The following UGT1A8 variants were observed in gnomAD, a reference collection of about 807,000 sequenced individuals.
The protein encoded by UGT1A8 is UDP-glucuronosyltransferase 1A8.
A neutral mutation model predicts 45.3 loss-of-function variants in UGT1A8; 39 were observed. The observed-to-expected ratio is 0.86, with a 90% CI of 0.67 to 1.12. UGT1A8 has a LOEUF of 1.12. UGT1A8 is among the 50% of genes most tolerant of loss of function. UGT1A8 has a pLI of 0.00. For synonymous variants in UGT1A8, 275 were observed against 249.2 expected, an observed-to-expected ratio of 1.10 and a Z score of -0.97; for missense variants, 719 against 664.9, an observed-to-expected ratio of 1.08 and a Z score of -0.90.
intron 1 of UGT1A8, chr2:233,692,923 A>G: frequency 6.4e-7 from 1 of 1,573,424 alleles, no homozygotes; most frequent in Non-Finnish European, 8.6e-7. Flanking sequence ...AGCAGTGGTT[A>G]GTTTAGGGAA....
intron 1 of UGT1A8, chr2:233,747,471 G>A (rs1218539477): frequency 1.9e-5 from 31 of 1,608,712 alleles, no homozygotes; most frequent in Non-Finnish European, 2.4e-5. Context: ...ATGGACCCAG[G>A]ATGAATTTGA....
At chr2:233,721,293 A>G (rs2076934604) in intron 1 of UGT1A8, among the ~76,000 whole-genome samples, 2 of 152,196 alleles carry the variant, frequency 1.3e-5, no homozygotes, top group African/African-American at 4.8e-5. Flanking sequence ...TTAGGAAGGC[A>G]TTTGAATAGT....
At chr2:233,737,627 C>T (rs979960494) in intron 1 of UGT1A8, among the ~76,000 whole-genome samples, 1 of 152,190 alleles carries the variant, frequency 6.6e-6, no homozygotes, top group African/African-American at 2.4e-5. Flanking sequence ...AGAAATCATC[C>T]ATCTTCTGCG....
intron 1 of UGT1A8, among the ~76,000 whole-genome samples, chr2:233,618,923 TA>T (rs1225958932): frequency 2.6e-5 from 4 of 152,030 alleles, no homozygotes; most frequent in South Asian, 2.1e-4. Flanking sequence ...TTCTTTTCAT[TA>T]AAAAAAGTAT....
intron 1 of UGT1A8, chr2:233,671,809 T>C: frequency 8.0e-7 from 1 of 1,248,340 alleles, no homozygotes; most frequent in South Asian, 1.9e-5. Context: ...AGTGACTGAT[T>C]TTTTTTTTAT....
intron 1 of UGT1A8, among the ~76,000 whole-genome samples, chr2:233,626,904 G>A (rs1268829193): frequency 6.6e-6 from 1 of 152,050 alleles, no homozygotes; most frequent in African/African-American, 2.4e-5. Context: ...TGCATTTTCT[G>A]CCTTCAGGGA....
intron 1 of UGT1A8, among the ~76,000 whole-genome samples, chr2:233,670,467 G>T (rs2074160536): frequency 6.6e-6 from 1 of 152,190 alleles, no homozygotes. Context: ...TTCATGGAAG[G>T]GTTTGTGTTG....
chr2:233,661,471 T>C lies in UGT1A8; in HGVS notation c.855+42909T>C, dbSNP rs2073961978. On this transcript the variant is annotated intron_variant, in intron 1 of 4. Coordinates refer to ENST00000373450, the MANE Select transcript of UGT1A8 (RefSeq NM_019076.5). Reference sequence around the variant, plus strand: ...ACAGATGGAATCCTAGTTCTTTTTATCCATTAACTCTTTGAATATCCTTCT... The same window carrying C: ...ACAGATGGAATCCTAGTTCTTTTTACCCATTAACTCTTTGAATATCCTTCT... Among the ~76,000 whole-genome samples, 4 of 152,284 alleles carry C rather than the reference T, an allele frequency of 2.6e-5. No homozygotes were observed. In the South Asian group the frequency reaches 8.3e-4, roughly 32 times the overall value.
At chr2:233,647,255 G>A (rs2073629601) in intron 1 of UGT1A8, among the ~76,000 whole-genome samples, 1 of 152,102 alleles carries the variant, frequency 6.6e-6, no homozygotes. Flanking sequence ...CTTTGGGTGG[G>A]GACACAGCCA....
Position 233,693,787 on chromosome 2 carries a change from T to G in UGT1A8, c.856-73247T>G, listed in dbSNP as rs202244084. The G allele has an allele frequency of 5.0e-6, 8 of 1,614,234 alleles. No individual in the cohort carries two copies. In the East Asian group the frequency reaches 1.8e-4, roughly 36 times the overall value. ...GGCTGTTAAGATATGACTTTGTGCT[T>G]GAATATCCTAGGCCGGTCATGCCCA... On this transcript the variant is annotated intron_variant, in intron 1 of 4. Coordinates refer to ENST00000373450, the MANE Select transcript of UGT1A8 (RefSeq NM_019076.5).
intron 1 of UGT1A8, among the ~76,000 whole-genome samples, chr2:233,690,308 C>T (rs1218520610): frequency 6.6e-6 from 1 of 152,180 alleles, no homozygotes; most frequent in Non-Finnish European, 1.5e-5. Context: ...GGCTCCATTA[C>T]TTATGGGTCG....
chr2:233,659,549 C>T (rs972759974), intron 1 of UGT1A8, among the ~76,000 whole-genome samples: 10 of 152,038 alleles, frequency 6.6e-5, no homozygotes, highest in Non-Finnish European at 1.5e-4. Context: ...TGATTGTCCT[C>T]CACTGAGTAG....
chr2:233,744,024 G>A lies in UGT1A8; in HGVS notation c.856-23010G>A, dbSNP rs532921168. The A allele has an allele frequency of 1.8e-4, 170 of 951,358 alleles. 2 individuals carry two copies. The highest frequency in any genetic ancestry group is 2.3e-4 in the Non-Finnish European group (161 of 710,466). 58.9% of individuals were successfully genotyped at this position (951,358 alleles called of 1,614,324 possible). Reference sequence around the variant, plus strand: ...GGAGACCTGGGCCGCCTGGAGAGACGCCCCTTATGACGCAGCCACATCTCA... The same window carrying A: ...GGAGACCTGGGCCGCCTGGAGAGACACCCCTTATGACGCAGCCACATCTCA... On this transcript the variant is annotated intron_variant, in intron 1 of 4. Coordinates refer to ENST00000373450, the MANE Select transcript of UGT1A8 (RefSeq NM_019076.5).
chr2:233,724,170 C>G (rs1159618034), intron 1 of UGT1A8, among the ~76,000 whole-genome samples: 4 of 122,852 alleles, frequency 3.3e-5, no homozygotes, highest in Admixed American at 7.6e-5. Flanking sequence ...GCTGACCCCC[C>G]CATCTCCCTC....
At chr2:233,711,506 A>G (rs1260347512) in intron 1 of UGT1A8, among the ~76,000 whole-genome samples, 3 of 152,160 alleles carry the variant, frequency 2.0e-5, no homozygotes, top group African/African-American at 4.8e-5. Flanking sequence ...ATCCCTTTCT[A>G]GCGCTCTGTG....
chr2:233,744,000 G>T, intron 1 of UGT1A8: 1 of 1,221,194 alleles, frequency 8.2e-7, no homozygotes, highest in South Asian at 1.4e-5. Flanking sequence ...CGAGTGCTCG[G>T]AGACCTGGGC....
At chr2:233,729,423 G>A in intron 1 of UGT1A8, 2 of 1,613,822 alleles carry the variant, frequency 1.2e-6, no homozygotes, top group East Asian at 4.5e-5. Flanking sequence ...ACACTCAACT[G>A]TACTTTGAAA....
chr2:233,653,750 C>A (rs1388530007), intron 1 of UGT1A8, among the ~76,000 whole-genome samples: 2 of 152,210 alleles, frequency 1.3e-5, no homozygotes, highest in African/African-American at 4.8e-5. Flanking sequence ...ATGCCCACCA[C>A]CACAGTCAGC....
Position 233,731,393 on chromosome 2 carries a change from G to A in UGT1A8, c.856-35641G>A, listed in dbSNP as rs558248956. Among the ~76,000 whole-genome samples the A allele has an allele frequency of 1.5e-3, 233 of 151,488 alleles. 2 individuals are homozygous for A. Among genetic ancestry groups the A allele is most frequent in the African/African-American group, 5.3e-3 (218 of 41,268 alleles). On this transcript the variant is annotated intron_variant, in intron 1 of 4. Coordinates refer to ENST00000373450, the MANE Select transcript of UGT1A8 (RefSeq NM_019076.5). ...GTTGGTTTCCTGCACCCACCAACTC[G>A]TCATTTACATTAGGTATTTTTCCTA...
Sources: gnomAD v4.1 joint callset for allele counts (sites outside exome capture counted in the v4.1 genomes callset) on GRCh38, gnomAD v4.1.1 for gene constraint, MANE v1.5 for transcripts, NCBI Gene and HGNC (gene_info 2026-07-23, HGNC 2026-07-21) for gene names.